The following LINGO2 variants were observed in gnomAD, a reference collection of about 807,000 sequenced individuals.
LINGO2 encodes leucine rich repeat and Ig domain containing 2.
Under a neutral mutation model 30.6 loss-of-function variants are expected in LINGO2, and 14 were observed. That is an observed-to-expected ratio of 0.46 (90% CI 0.30 to 0.72). LINGO2 has a LOEUF of 0.72. LINGO2 is among the 30% of genes least tolerant of loss of function. The pLI is 0.07. For missense variants in LINGO2, 729 were observed against 751.7 expected (o/e 0.97, Z 0.35); for synonymous variants, 317 against 288.5 (o/e 1.10, Z -1.00).
At chr9:28,252,099 A>C (rs548039642) in intron 4 of LINGO2, among the ~76,000 whole-genome samples, 13 of 152,338 alleles carry the variant, frequency 8.5e-5, no homozygotes, top group African/African-American at 2.9e-4. Flanking sequence ...GATAATTTTC[A>C]GAAGAAGCAC....
the LINGO2 span, among the ~76,000 whole-genome samples, chr9:29,195,066 T>C: frequency 2.1e-5 from 3 of 144,390 alleles, no homozygotes; most frequent in African/African-American, 7.6e-5. Context: ...AGCACTAATC[T>C]TTTTTCCATG....
intron 4 of LINGO2, among the ~76,000 whole-genome samples, chr9:28,197,349 G>A (rs1820049549): frequency 6.6e-6 from 1 of 151,422 alleles, no homozygotes. Context: ...TATGTTATAA[G>A]GCTAAAATAT....
intron 2 of LINGO2, among the ~76,000 whole-genome samples, chr9:28,427,415 T>A (rs1224565622): frequency 2.6e-5 from 4 of 152,170 alleles, no homozygotes; most frequent in Non-Finnish European, 5.9e-5. Context: ...TATTACTTAC[T>A]GAGCATTCAT....
At chr9:28,023,529 A>C (rs1823235542) in intron 4 of LINGO2, among the ~76,000 whole-genome samples, 2 of 152,172 alleles carry the variant, frequency 1.3e-5, no homozygotes, top group South Asian at 4.1e-4. Context: ...TTATGAACCA[A>C]TCTCAGTCTT....
intron 4 of LINGO2, among the ~76,000 whole-genome samples, chr9:28,231,835 A>G (rs992884786): frequency 2.0e-5 from 3 of 152,164 alleles, no homozygotes; most frequent in African/African-American, 7.2e-5. Context: ...ATGCACAAAA[A>G]TGGAAAGATA....
intron 4 of LINGO2, among the ~76,000 whole-genome samples, chr9:28,199,042 T>G (rs1177618830): frequency 6.6e-6 from 1 of 152,196 alleles, no homozygotes; most frequent in African/African-American, 2.4e-5. Flanking sequence ...CTTTTCCATG[T>G]ACATCTTGAA....
chr9:28,472,375 G>A (rs1313256926), intron 2 of LINGO2, among the ~76,000 whole-genome samples: 1 of 150,428 alleles, frequency 6.6e-6, no homozygotes, highest in African/African-American at 2.4e-5. Context: ...AGTATTGGTA[G>A]TTTTTCTAGG....
At chr9:28,678,442 G>T in the LINGO2 span, among the ~76,000 whole-genome samples, 1 of 151,998 alleles carries the variant, frequency 6.6e-6, no homozygotes, top group East Asian at 1.9e-4. Flanking sequence ...ATTCTGTTTG[G>T]CTTCCTGAAG....
intron 4 of LINGO2, among the ~76,000 whole-genome samples, chr9:28,201,596 T>C (rs1352152499): frequency 6.6e-6 from 1 of 151,274 alleles, no homozygotes; most frequent in African/African-American, 2.4e-5. Context: ...ATATACCCAG[T>C]AATGGGATGG....
At chr9:29,198,123 G>C in the LINGO2 span, among the ~76,000 whole-genome samples, 3 of 152,188 alleles carry the variant, frequency 2.0e-5, no homozygotes, top group African/African-American at 7.2e-5. Context: ...AAATACTAAA[G>C]GACACAAACT....
intron 1 of LINGO2, among the ~76,000 whole-genome samples, chr9:28,633,755 C>T (rs1011245359): frequency 2.6e-5 from 4 of 152,178 alleles, no homozygotes; most frequent in African/African-American, 9.7e-5. Context: ...TTGGCTTAGC[C>T]TAACATCTCA....
intron 4 of LINGO2, among the ~76,000 whole-genome samples, chr9:28,072,875 C>A (rs950244181): frequency 6.6e-6 from 1 of 151,982 alleles, no homozygotes; most frequent in Non-Finnish European, 1.5e-5. Context: ...TGCTTTTAGG[C>A]ACTCTGATAG....
intron 1 of LINGO2, among the ~76,000 whole-genome samples, chr9:28,617,505 C>G (rs1447537654): frequency 2.0e-5 from 3 of 152,174 alleles, no homozygotes; most frequent in Admixed American, 2.0e-4. Context: ...CCGTGTTAGT[C>G]AGGATGGTCT....
At chr9:28,962,607 G>T in the LINGO2 span, among the ~76,000 whole-genome samples, 1 of 151,736 alleles carries the variant, frequency 6.6e-6, no homozygotes, top group Admixed American at 6.6e-5. Flanking sequence ...TACTGTAAAA[G>T]TATCAAGCTG....
chr9:28,986,142 C>A, the LINGO2 span, among the ~76,000 whole-genome samples: 1 of 151,924 alleles, frequency 6.6e-6, no homozygotes, highest in African/African-American at 2.4e-5. Flanking sequence ...GTTGTACACA[C>A]CTTTGTTAAA....
chr9:28,217,952 A>G (rs1820825972), intron 4 of LINGO2, among the ~76,000 whole-genome samples: 1 of 151,874 alleles, frequency 6.6e-6, no homozygotes, highest in Non-Finnish European at 1.5e-5. Context: ...TCCTAAGGAC[A>G]TAATTTGGAA....
At chr9:28,044,326 A>G (rs1279677899) in intron 4 of LINGO2, among the ~76,000 whole-genome samples, 1 of 152,214 alleles carries the variant, frequency 6.6e-6, no homozygotes, top group Non-Finnish European at 1.5e-5. Flanking sequence ...ACATGTTAAA[A>G]TTATATCAAA....
At chr9:28,515,419 G>T (rs144178354) in intron 1 of LINGO2, among the ~76,000 whole-genome samples, 2,595 of 152,114 alleles carry the variant, frequency 0.017, 83 homozygotes, top group African/African-American at 0.059. Flanking sequence ...TGTTAGCCAG[G>T]ATGCTCTCTA....
At chr9:27,986,467 C>T (rs73439753) in intron 5 of LINGO2, among the ~76,000 whole-genome samples, 6,137 of 151,778 alleles carry the variant, frequency 0.04, 378 homozygotes, top group African/African-American at 0.14. Flanking sequence ...CGGTTATATA[C>T]GCAGAGTTTG....
Sources: gnomAD v4.1 joint callset for allele counts (sites outside exome capture counted in the v4.1 genomes callset) on GRCh38, gnomAD v4.1.1 for gene constraint, MANE v1.5 for transcripts, NCBI Gene and HGNC (gene_info 2026-07-23, HGNC 2026-07-21) for gene names.